DHRS12: variants seen among roughly 807,000 people sequenced by gnomAD.
The protein encoded by DHRS12 is dehydrogenase/reductase SDR family member 12.
Under a neutral mutation model 32.1 loss-of-function variants are expected in DHRS12, and 29 were observed. The observed-to-expected ratio is 0.90, with a 90% CI of 0.67 to 1.23. DHRS12 has a LOEUF of 1.23. Ranked by LOEUF, DHRS12 falls within the 50% of genes most tolerant of loss-of-function variation. The probability of loss-of-function intolerance (pLI) is 0.00; values close to 1 mark genes in which losing one functional copy is unlikely to be tolerated. For synonymous variants in DHRS12, 150 were observed against 135.9 expected (o/e 1.10, Z -0.72); for missense variants, 330 against 337.2 (o/e 0.98, Z 0.17).
rs1161112740 is a variant in DHRS12, at chr13:51,782,906, C to T, written c.302-5785G>A. Among the ~76,000 whole-genome samples the T allele has an allele frequency of 6.6e-6, 1 of 152,170 alleles. No individual in the cohort carries two copies. Among genetic ancestry groups the T allele is most frequent in the Non-Finnish European group, 1.5e-5 (1 of 68,026 alleles). ...GCCAGGTAATTAGGTAAGGTCCTGG[C>T]CCACAGGAGGACTTGGATTTGGGGC... On this transcript the variant is annotated intron_variant, in intron 4 of 8. Transcript: ENST00000444610. The surrounding 1 kb of genome is among the most constrained non-coding windows in gnomAD (Gnocchi z 4.2).
chr13:51,800,584 G>A (rs1248103508), intron 1 of DHRS12, among the ~76,000 whole-genome samples: 1 of 152,206 alleles, frequency 6.6e-6, no homozygotes, highest in Non-Finnish European at 1.5e-5. Context: ...ATGGGACTCT[G>A]ATCTCAAGGC....
intron 4 of DHRS12, among the ~76,000 whole-genome samples, chr13:51,778,264 G>A (rs770293698): frequency 8.5e-5 from 13 of 152,264 alleles, no homozygotes; most frequent in Non-Finnish European, 1.8e-4. Context: ...TGCATGTCCT[G>A]TGAGGACTGG....
chr13:51,776,949 A>G, intron 5 of DHRS12, 111 bp downstream of exon 5: 1 of 1,194,194 alleles, frequency 8.4e-7, no homozygotes, highest in African/African-American at 1.5e-5. Flanking sequence ...TTTGCTGTGG[A>G]TGTGGACAGA....
At chr13:51,792,636 G>C (rs1465533793) in intron 2 of DHRS12, among the ~76,000 whole-genome samples, 2 of 152,124 alleles carry the variant, frequency 1.3e-5, no homozygotes, top group Non-Finnish European at 2.9e-5. Flanking sequence ...CTGACCTCAA[G>C]TGATCTGTCT....
rs756404043 is a variant in DHRS12, at chr13:51,771,310, G to C, written c.559+511C>G. On this transcript the variant is annotated intron_variant, in intron 7 of 8. Transcript: ENST00000444610. ...GTGAGCTGCCTGAGGTCATGGAGTT[G>C]GTGAGGCCAATCCGGAAGAGAATTC... 8 of 1,575,146 alleles carry C rather than the reference G, an allele frequency of 5.1e-6. No homozygotes were observed. In the South Asian group the frequency reaches 5.8e-5, roughly 11 times the overall value.
intron 8 of DHRS12, chr13:51,768,695 G>C: frequency 8.9e-7 from 1 of 1,126,672 alleles, no homozygotes; most frequent in South Asian, 2.8e-5. Flanking sequence ...TCTTCGGATG[G>C]CGTCCACTCA....
At position 51,789,817 on chromosome 13, in the gene DHRS12, C is replaced by T. The variant is rs1566299233; in HGVS notation, c.301+194G>A. 4 of 985,230 alleles carry T rather than the reference C, an allele frequency of 4.1e-6. No individual in the cohort carries two copies. The African/African-American group carries it at 5.2e-5, about 13-fold the overall frequency. The allele number at this position is 985,230 out of a possible 1,614,324, so 61.0% of individuals were successfully genotyped here. A position where few individuals can be genotyped will look rare whatever the true frequency, so the allele number is the denominator to read the frequency against. On this transcript the variant is annotated intron_variant, in intron 4 of 8. Coordinates refer to ENST00000444610, the MANE Select transcript of DHRS12 (RefSeq NM_001377533.1). ...CAATACTAAGTATTTCTGGCACCAACACCTATTATAAGAAACATGAAAAGA... is the reference window on the plus strand; with the variant it reads ...CAATACTAAGTATTTCTGGCACCAATACCTATTATAAGAAACATGAAAAGA...
At chr13:51,769,898 T>G (rs1028204474) in intron 7 of DHRS12, among the ~76,000 whole-genome samples, 2 of 152,212 alleles carry the variant, frequency 1.3e-5, no homozygotes, top group African/African-American at 4.8e-5. Flanking sequence ...CGTCGGGCAC[T>G]CTACCTGCCC....
intron 7 of DHRS12, 147 bp downstream of exon 7, chr13:51,771,674 C>T (rs567280735): frequency 2.3e-5 from 31 of 1,325,510 alleles, no homozygotes; most frequent in Admixed American, 2.2e-4. Context: ...GCAGTCCCAA[C>T]GCGCCCCTGC....
intron 2 of DHRS12, among the ~76,000 whole-genome samples, chr13:51,797,639 C>A (rs927501012): frequency 3.9e-5 from 6 of 152,184 alleles, no homozygotes; most frequent in African/African-American, 7.2e-5. Flanking sequence ...AGTGCCCCCA[C>A]TTATCCCCTT....
At chr13:51,799,201 T>A (rs1359122844) in intron 2 of DHRS12, among the ~76,000 whole-genome samples, 1 of 152,178 alleles carries the variant, frequency 6.6e-6, no homozygotes, top group East Asian at 1.9e-4. Flanking sequence ...CAGGTGTTCA[T>A]GTTTTTGTTT....
the DHRS12 span, chr13:51,762,835 G>A: frequency 2.0e-5 from 3 of 152,174 alleles, no homozygotes; most frequent in Non-Finnish European, 2.9e-5. Context: ...CATATCATAC[G>A]CAGAGTTGTT....
intron 2 of DHRS12, among the ~76,000 whole-genome samples, chr13:51,793,721 A>C (rs1317713849): frequency 6.6e-6 from 1 of 152,224 alleles, no homozygotes; most frequent in African/African-American, 2.4e-5. Flanking sequence ...AGCCTGTACC[A>C]ATGACTGCAA....
chr13:51,790,177 C>T (rs1955201778), intron 3 of DHRS12, 85 bp from the exon 4 acceptor site: 2 of 1,002,940 alleles, frequency 2.0e-6, no homozygotes, highest in Non-Finnish European at 2.9e-6. Flanking sequence ...CTACCCCACC[C>T]CCAGCTCTTT....
downstream of DHRS12, chr13:51,766,067 T>C (rs930267987): frequency 5.9e-5 from 9 of 152,252 alleles, no homozygotes; most frequent in African/African-American, 2.2e-4. Flanking sequence ...ACACTTTTTA[T>C]CATTTTAGTG....
chr13:51,801,740 T>C (rs1955765077), intron 1 of DHRS12, among the ~76,000 whole-genome samples: 1 of 151,810 alleles, frequency 6.6e-6, no homozygotes, highest in African/African-American at 2.4e-5. Flanking sequence ...GGGGAATGAG[T>C]GAGAACTTCC....
At chr13:51,796,580 T>C (rs1168034931) in intron 2 of DHRS12, among the ~76,000 whole-genome samples, 1 of 152,140 alleles carries the variant, frequency 6.6e-6, no homozygotes, top group Non-Finnish European at 1.5e-5. Flanking sequence ...AGATCCATAT[T>C]ATCATCATTT....
intron 8 of DHRS12, chr13:51,768,902 G>A: frequency 7.2e-7 from 1 of 1,383,322 alleles, no homozygotes; most frequent in South Asian, 1.6e-5. Context: ...CCCAAGGTAG[G>A]AACTGCCTCT....
intron 4 of DHRS12, among the ~76,000 whole-genome samples, chr13:51,783,711 C>T (rs1954827287): frequency 6.6e-6 from 1 of 152,114 alleles, no homozygotes; most frequent in Non-Finnish European, 1.5e-5. Flanking sequence ...TCTTAGCCCC[C>T]TAGGTTGCCT....
Sources: gnomAD v4.1 joint callset for allele counts (sites outside exome capture counted in the v4.1 genomes callset) on GRCh38, gnomAD v4.1.1 for gene constraint, Gnocchi (gnomAD v3.1) non-coding constraint, MANE v1.5 for transcripts, NCBI Gene and HGNC (gene_info 2026-07-23, HGNC 2026-07-21) for gene names.